Variants in TIAM1 observed in about 807,000 individuals in gnomAD.
The protein encoded by TIAM1 is TIAM Rac1 associated GEF 1, also known as rho guanine nucleotide exchange factor TIAM1.
TIAM1 carries 65 observed loss-of-function variants against 163.5 expected under a neutral mutation model. That is an observed-to-expected ratio of 0.40 (90% CI 0.33 to 0.49). The LOEUF (loss-of-function observed/expected upper bound fraction) is 0.49, where lower values mean the gene tolerates loss of function less well. Among genes scored for constraint, TIAM1 ranks in the 20% least tolerant of loss-of-function variants. TIAM1 has a pLI of 0.77. For missense variants in TIAM1, 1,789 were observed against 2,044.7 expected, an observed-to-expected ratio of 0.87 and a Z score of 2.41; for synonymous variants, 833 against 810.1, an observed-to-expected ratio of 1.03 and a Z score of -0.48.
At chr21:31,333,397 T>C (rs845950) in intron 2 of TIAM1, among the ~76,000 whole-genome samples, 23,734 of 152,180 alleles carry the variant, frequency 0.16, 1,984 homozygotes, top group Non-Finnish European at 0.19. Flanking sequence ...CCTTCTAAAC[T>C]TCTAGTTTAT....
chr21:31,278,351 T>C (rs977059676), intron 2 of TIAM1, among the ~76,000 whole-genome samples: 9 of 152,124 alleles, frequency 5.9e-5, no homozygotes, highest in African/African-American at 2.2e-4. Flanking sequence ...CAGGAACACG[T>C]GGGGTTAATG....
rs187285349 is a variant in TIAM1 at position 31,217,487 on chromosome 21, C to G, written c.2142+66G>C. 2.2e-5 allele frequency: 34 copies of G among 1,566,814 alleles called. No homozygotes were observed. In the African/African-American group the frequency reaches 4.5e-4, roughly 21 times the overall value. On this transcript the variant is annotated intron_variant, in intron 9 of 27. Transcript: ENST00000541036. ...CGGCCTCACTGAAGAAACACACACACCCCAAATTGAGGTGGCCACAGAAGT... is the reference window on the plus strand; with the variant it reads ...CGGCCTCACTGAAGAAACACACACAGCCCAAATTGAGGTGGCCACAGAAGT...
intron 3 of TIAM1, among the ~76,000 whole-genome samples, chr21:31,269,667 G>GTTTTTTTT (rs1383457242): frequency 7.7e-6 from 1 of 130,590 alleles, no homozygotes; most frequent in Admixed American, 7.9e-5. Flanking sequence ...CTTTAAGTTT[G>GTTTTTTTT]TTTGTTTTTT....
chr21:31,301,294 T>C (rs573549405), intron 2 of TIAM1, among the ~76,000 whole-genome samples: 309 of 152,330 alleles, frequency 2.0e-3, no homozygotes, highest in African/African-American at 7.2e-3. Flanking sequence ...ATTAATACAG[T>C]GGAATTTAAA....
At chr21:31,440,929 G>A (rs1231592266) in intron 2 of TIAM1, among the ~76,000 whole-genome samples, 5 of 152,146 alleles carry the variant, frequency 3.3e-5, no homozygotes, top group African/African-American at 7.2e-5. Context: ...ACTTTAATTA[G>A]TTGCAAAGGA....
intron 13 of TIAM1, among the ~76,000 whole-genome samples, chr21:31,188,476 A>T (rs1340506635): frequency 6.6e-6 from 1 of 152,240 alleles, no homozygotes; most frequent in African/African-American, 2.4e-5. Flanking sequence ...GATAGAATCA[A>T]GGGCTACGTC....
At chr21:31,474,640 G>A (rs1443473980) in intron 1 of TIAM1, among the ~76,000 whole-genome samples, 1 of 151,706 alleles carries the variant, frequency 6.6e-6, no homozygotes, top group Admixed American at 6.6e-5. Flanking sequence ...CCGCCTCCCG[G>A]GTTCAAGCGA....
intron 2 of TIAM1, among the ~76,000 whole-genome samples, chr21:31,298,108 AG>A (rs1384723297): frequency 6.6e-6 from 1 of 152,172 alleles, no homozygotes; most frequent in African/African-American, 2.4e-5. Flanking sequence ...GCCTGTCCAC[AG>A]CTGAGCGGAT....
At chr21:31,236,654 T>C (rs1033588894) in intron 6 of TIAM1, among the ~76,000 whole-genome samples, 2 of 152,070 alleles carry the variant, frequency 1.3e-5, no homozygotes, top group Non-Finnish European at 2.9e-5. Context: ...TAAAATAAGA[T>C]GGGGAAGGCC....
chr21:31,448,806 T>C lies in TIAM1; in HGVS notation c.-369+15177A>G, dbSNP rs1202895905. Among the ~76,000 whole-genome samples, 4 of 151,958 alleles carry C rather than the reference T, an allele frequency of 2.6e-5. No homozygotes were observed. The East Asian group carries it at 7.7e-4, about 29-fold the overall frequency. On this transcript the variant is annotated intron_variant, in intron 2 of 28. Coordinates refer to the TIAM1 transcript ENST00000286827. ...AAGACAGGATGGCAAATCCTCAAAT[T>C]ATAGGCATGGGTTTCGGGTCAGAAA... is the stretch of plus-strand genomic sequence containing the variant.
In TIAM1 at chr21:31,120,585, A is replaced by G. The variant is rs1364200723; in HGVS notation, c.4559T>C (p.Val1520Ala). Residue 1520 changes from valine (V) to alanine (A), a missense_variant, in exon 28 of 28, where the codon GTG becomes GCG. By Grantham distance (64) the Val-to-Ala change is moderately conservative. Around this residue, in one of 5 missense-constraint regions of TIAM1, gnomAD observed 415 missense variants for 439.2 expected, o/e 0.94. Transcript: ENST00000541036. This position sits in a 1 kb window ranked among gnomAD's most constrained non-coding sequence, Gnocchi z 4.2. ...AAGCCGCTCCTGCAGGTCTCTGTCC[A>G]CTGAGGCACCCTTCACGGACTCACA... The part of the protein sequence containing the change: ...EFCESVKGAS[V>A]DRDLQERLQA... The G allele has an allele frequency of 6.2e-7, 1 of 1,614,134 alleles. No homozygotes were observed. Among genetic ancestry groups the G allele is most frequent in the East Asian group, 2.2e-5 (1 of 44,860 alleles).
chr21:31,534,191 T>C (rs951338018), intron 1 of TIAM1, among the ~76,000 whole-genome samples: 2 of 152,218 alleles, frequency 1.3e-5, no homozygotes, highest in Non-Finnish European at 2.9e-5. Context: ...ACTAAGCATA[T>C]TCAAACTCAC....
intron 6 of TIAM1, among the ~76,000 whole-genome samples, chr21:31,235,329 C>T (rs73899700): frequency 6.8e-4 from 104 of 152,260 alleles, no homozygotes; most frequent in African/African-American, 2.5e-3. Context: ...GAAATAAGAT[C>T]ACAGTACACT....
At chr21:31,166,870 G>A (rs1038473284) in intron 15 of TIAM1, among the ~76,000 whole-genome samples, 1 of 152,168 alleles carries the variant, frequency 6.6e-6, no homozygotes, top group Admixed American at 6.5e-5. Flanking sequence ...TCTGATCACA[G>A]GAACCACAGC....
At position 31,120,549 on chromosome 21, in the gene TIAM1, G is replaced by C. The variant is rs2081961418; in HGVS notation, c.4595C>G (p.Ser1532Cys). The C allele has an allele frequency of 1.2e-5, 19 of 1,614,210 alleles. No individual in the cohort carries two copies. The highest frequency in any genetic ancestry group is 1.6e-5 in the Non-Finnish European group (19 of 1,180,044). Residue 1532 changes from serine (S) to cysteine (C), a missense_variant, in exon 28 of 28, where the codon TCC becomes TGC. Physicochemically the swap from Ser to Cys is moderately radical, Grantham distance 112. This residue lies in a region of TIAM1 where 415 missense variants were observed against 439.2 expected (regional missense o/e 0.94). Coordinates refer to ENST00000541036, the MANE Select transcript of TIAM1 (RefSeq NM_001353694.2). The surrounding 1 kb of genome is among the most constrained non-coding windows in gnomAD (Gnocchi z 4.2). ...RDLQERLQAT[S>C]ISQRERGRKT... ...CCGGCCTCTTTCCCGCTGACTGATG[G>C]AGGTGGCCTGAAGCCGCTCCTGCAG...
chr21:31,210,743 G>T, intron 10 of TIAM1, among the ~76,000 whole-genome samples: 1 of 69,486 alleles, frequency 1.4e-5, no homozygotes, highest in African/African-American at 8.7e-5. Context: ...AAGAAGGAAG[G>T]AAGGGAGAAA....
chr21:31,342,017 T>C (rs1466950659), intron 1 of TIAM1, among the ~76,000 whole-genome samples: 1 of 152,084 alleles, frequency 6.6e-6, no homozygotes, highest in Non-Finnish European at 1.5e-5. Context: ...TACTACAGTC[T>C]TTAAAAATAT....
chr21:31,153,536 T>G (rs1274082175), intron 17 of TIAM1, among the ~76,000 whole-genome samples: 1 of 152,172 alleles, frequency 6.6e-6, no homozygotes, highest in Non-Finnish European at 1.5e-5. Context: ...ATATAGATAC[T>G]TAAACAGATC....
chr21:31,228,246 A>AGG (rs1569069014), intron 6 of TIAM1, among the ~76,000 whole-genome samples: 1 of 137,222 alleles, frequency 7.3e-6, no homozygotes, highest in African/African-American at 2.8e-5. Flanking sequence ...AAAAAAAAAA[A>AGG]AAAAAAAAAA....
Sources: gnomAD v4.1 joint callset for allele counts (sites outside exome capture counted in the v4.1 genomes callset) on GRCh38, gnomAD v4.1.1 for gene constraint, gnomAD v4.1.1 regional missense constraint, Gnocchi (gnomAD v3.1) non-coding constraint, MANE v1.5 for transcripts, NCBI Gene and HGNC (gene_info 2026-07-23, HGNC 2026-07-21) for gene names.